FADS2: variants seen among roughly 807,000 people sequenced by gnomAD.
The protein encoded by FADS2 is fatty acid desaturase 2.
Under a neutral mutation model 61.2 loss-of-function variants are expected in FADS2, and 18 were observed. That is an observed-to-expected ratio of 0.29 (90% CI 0.20 to 0.44). The LOEUF (loss-of-function observed/expected upper bound fraction) is 0.44, where lower values mean the gene tolerates loss of function less well. FADS2 is among the 20% of genes least tolerant of loss of function. The pLI is 1.00. For synonymous variants in FADS2, 203 were observed against 223.9 expected (o/e 0.91, Z 0.83); for missense variants, 322 against 572.7 (o/e 0.56, Z 4.47).
upstream of FADS2, among the ~76,000 whole-genome samples, chr11:61,823,917 A>AT (rs1257077197): frequency 3.3e-5 from 5 of 152,148 alleles, no homozygotes; most frequent in Admixed American, 2.6e-4. Context: ...AAAATTATTC[A>AT]TTTTTTAAAA....
intron 1 of FADS2, among the ~76,000 whole-genome samples, chr11:61,837,310 A>T (rs2524299): frequency 0.17 from 25,703 of 152,084 alleles, 2,642 homozygotes; most frequent in East Asian, 0.41. Flanking sequence ...TCCAGTGCCA[A>T]GGTAGTATTC....
chr11:61,828,670 C>A lies in FADS2; in HGVS notation c.207+73C>A. The A allele has an allele frequency of 7.4e-7, 1 of 1,356,532 alleles. No individual in the cohort carries two copies. The highest frequency in any genetic ancestry group is 1.0e-6 in the Non-Finnish European group (1 of 976,512). The allele number at this position is 1,356,532 out of a possible 1,614,324, so 84.0% of individuals were successfully genotyped here. On this transcript the variant is annotated intron_variant, in intron 1 of 11. Coordinates refer to ENST00000278840, the MANE Select transcript of FADS2 (RefSeq NM_004265.4). The surrounding 1 kb of genome is among the most constrained non-coding windows in gnomAD (Gnocchi z 6.4). The stretch of plus-strand genomic sequence containing the variant: ...GTCAGGATCCCTGGCTCCCCGTGGG[C>A]CAAACAGACCTCCGGCGCTGAATGG...
chr11:61,834,957 G>A (rs930494546), intron 1 of FADS2, among the ~76,000 whole-genome samples: 3 of 148,256 alleles, frequency 2.0e-5, no homozygotes, highest in South Asian at 2.1e-4. Context: ...CTCCCTGCCC[G>A]CACCCTGGGC....
intron 1 of FADS2, among the ~76,000 whole-genome samples, chr11:61,833,591 G>T (rs929556067): frequency 6.6e-6 from 1 of 152,200 alleles, no homozygotes; most frequent in Non-Finnish European, 1.5e-5. Flanking sequence ...GCCAACCTAC[G>T]CCTGATTTCT....
chr11:61,853,583 C>T (rs1317483785), intron 5 of FADS2, among the ~76,000 whole-genome samples: 1 of 152,032 alleles, frequency 6.6e-6, no homozygotes, highest in Non-Finnish European at 1.5e-5. Context: ...CTGAGATCCT[C>T]CTCCTCCTCC....
chr11:61,863,143 C>G, intron 8 of FADS2, 74 bp downstream of exon 8: 1 of 1,486,928 alleles, frequency 6.7e-7, no homozygotes, highest in Non-Finnish European at 9.4e-7. Context: ...AGAAGAGGCT[C>G]GGACGGCTCC....
chr11:61,866,049 G>A lies in FADS2; in HGVS notation c.*360G>A, dbSNP rs1219367161. The A allele has an allele frequency of 1.2e-5, 5 of 413,184 alleles. No homozygotes were observed. The highest frequency in any genetic ancestry group is 2.1e-5 in the Non-Finnish European group (5 of 234,510). 25.6% of individuals were successfully genotyped at this position (413,184 alleles called of 1,614,324 possible). ...AGCGGTCCATGGGTCTGGCCTGTGA[G>A]TCTCCCCTTGCAGCCTGGTCACTAG... is the stretch of plus-strand genomic sequence containing the variant. On this transcript the variant is annotated 3_prime_UTR_variant, in exon 12 of 12. Transcript: ENST00000278840.
chr11:61,850,063 T>C (rs1262585611), intron 5 of FADS2, among the ~76,000 whole-genome samples: 3 of 152,010 alleles, frequency 2.0e-5, no homozygotes, highest in Non-Finnish European at 2.9e-5. Context: ...AAAAAAATTC[T>C]ACCTTGTATC....
chr11:61,833,091 A>G (rs2067141890), intron 1 of FADS2, among the ~76,000 whole-genome samples: 1 of 152,190 alleles, frequency 6.6e-6, no homozygotes, highest in South Asian at 2.1e-4. Context: ...GAACTGGCAA[A>G]GAGCGAAGTG....
At chr11:61,822,163 G>A (rs2067040686) in intron 1 of FADS2, among the ~76,000 whole-genome samples, 1 of 152,180 alleles carries the variant, frequency 6.6e-6, no homozygotes, top group African/African-American at 2.4e-5. Context: ...TAGAGACAAA[G>A]TTTCACCATG....
At chr11:61,857,637 G>A (rs536078161) in intron 7 of FADS2, 107 bp downstream of exon 7, 8 of 924,728 alleles carry the variant, frequency 8.7e-6, no homozygotes, top group Admixed American at 7.4e-5. Flanking sequence ...AGCCTGTGGG[G>A]CCCCAGGCAT....
rs1377875265 is a variant in FADS2, at chr11:61,848,297, G to A, written c.744+13G>A. The A allele has an allele frequency of 1.2e-6, 2 of 1,612,176 alleles. No homozygotes were observed. The highest frequency in any genetic ancestry group is 1.7e-6 in the Non-Finnish European group (2 of 1,178,672). ...GCAGCCCATCGAGGTACGACTAAGA[G>A]GATGGTGTTGACCTAGGAAGTGTTT... On this transcript the variant is annotated intron_variant, in intron 5 of 11. Transcript: ENST00000278840.
chr11:61,849,132 T>C (rs927071182), intron 5 of FADS2, among the ~76,000 whole-genome samples: 2 of 152,304 alleles, frequency 1.3e-5, no homozygotes. Flanking sequence ...CCTGACCTCA[T>C]GATCTGCCTG....
chr11:61,836,099 T>A (rs1565328825), intron 1 of FADS2, among the ~76,000 whole-genome samples: 2 of 152,176 alleles, frequency 1.3e-5, no homozygotes, highest in Admixed American at 1.3e-4. Flanking sequence ...TTTTGTTTGT[T>A]TGTTTGTTTG....
chr11:61,819,336 G>T (rs892972674), intron 1 of FADS2, among the ~76,000 whole-genome samples: 15 of 152,212 alleles, frequency 9.9e-5, no homozygotes, highest in Non-Finnish European at 1.9e-4. Flanking sequence ...AGCACTTTGG[G>T]AGGTCGAGGC....
intron 1 of FADS2, among the ~76,000 whole-genome samples, chr11:61,836,192 G>C (rs1017898306): frequency 2.0e-5 from 3 of 151,644 alleles, no homozygotes; most frequent in African/African-American, 7.3e-5. Context: ...CCACCTCCTG[G>C]TTTCAAAGGA....
intron 5 of FADS2, among the ~76,000 whole-genome samples, chr11:61,850,560 T>C (rs1486483000): frequency 6.6e-6 from 1 of 152,210 alleles, no homozygotes; most frequent in Non-Finnish European, 1.5e-5. Flanking sequence ...ATAATTTCTT[T>C]TGAATAAAAG....
At chr11:61,828,185 G>A (rs746520279), upstream of FADS2, 1 of 1,416,812 alleles carries the variant, frequency 7.1e-7, no homozygotes, top group Non-Finnish European at 9.2e-7. The surrounding 1 kb of genome is among the most constrained non-coding windows in gnomAD (Gnocchi z 6.4). Context: ...GGGAAGCCAG[G>A]GATCCTCCGC....
chr11:61,853,692 C>T (rs1445037960), intron 5 of FADS2, among the ~76,000 whole-genome samples: 1 of 152,120 alleles, frequency 6.6e-6, no homozygotes, highest in Non-Finnish European at 1.5e-5. Context: ...AGCCACCCAT[C>T]CCGCCTTGGG....
Sources: gnomAD v4.1 joint callset for allele counts (sites outside exome capture counted in the v4.1 genomes callset) on GRCh38, gnomAD v4.1.1 for gene constraint, Gnocchi (gnomAD v3.1) non-coding constraint, MANE v1.5 for transcripts, NCBI Gene and HGNC (gene_info 2026-07-23, HGNC 2026-07-21) for gene names.